Variants in EYS observed in about 807,000 individuals in gnomAD.
EYS encodes the protein EGF-like photoreceptor maintenance factor.
EYS carries 250 observed loss-of-function variants against 282.1 expected under a neutral mutation model. That is an observed-to-expected ratio of 0.89 (90% confidence interval 0.80 to 0.98). EYS has a LOEUF of 0.98. Ranked by LOEUF, EYS falls within the 50% of genes least tolerant of loss-of-function variation. The pLI, the probability that EYS is intolerant of heterozygous loss-of-function variation, is 0.00. For missense variants in EYS, 4,016 were observed against 3,709.0 expected (o/e 1.08, Z -2.15); for synonymous variants, 1,355 against 1,282.9 (o/e 1.06, Z -1.20).
intron 22 of EYS, among the ~76,000 whole-genome samples, chr6:64,708,024 A>AT (rs1009029357): frequency 3.3e-5 from 5 of 152,150 alleles, no homozygotes; most frequent in African/African-American, 1.2e-4. Context: ...ACAAAAAAAA[A>AT]CCCGGATAAA....
chr6:64,985,759 T>C (rs1770839518), intron 14 of EYS, among the ~76,000 whole-genome samples: 1 of 151,560 alleles, frequency 6.6e-6, no homozygotes, highest in Non-Finnish European at 1.5e-5. Context: ...TATTTTTGTT[T>C]GCTGAATCTG....
At chr6:64,730,056 G>C (rs948771274) in intron 22 of EYS, among the ~76,000 whole-genome samples, 1 of 152,172 alleles carries the variant, frequency 6.6e-6, no homozygotes, top group East Asian at 1.9e-4. Context: ...AGTGAAGCTT[G>C]AAGGGGTATT....
chr6:65,372,755 C>A (rs1477673585), intron 8 of EYS, among the ~76,000 whole-genome samples: 1 of 151,946 alleles, frequency 6.6e-6, no homozygotes, highest in Admixed American at 6.6e-5. Context: ...AGTTCGCCAT[C>A]CTTATGCCAC....
At chr6:64,943,199 A>C (rs1769157227) in intron 15 of EYS, among the ~76,000 whole-genome samples, 2 of 152,076 alleles carry the variant, frequency 1.3e-5, no homozygotes, top group Admixed American at 1.3e-4. Context: ...TCTAAGAAAC[A>C]TATCTCAAAA....
At chr6:65,353,321 TAA>T in intron 9 of EYS, 135 bp downstream of exon 9, 1 of 718,688 alleles carries the variant, frequency 1.4e-6, no homozygotes, top group East Asian at 2.8e-5. Context: ...CATTAGAAAA[TAA>T]GAGTATTAAT....
chr6:65,033,447 G>A (rs1355727869), intron 13 of EYS, among the ~76,000 whole-genome samples: 1 of 152,156 alleles, frequency 6.6e-6, no homozygotes, highest in Non-Finnish European at 1.5e-5. Context: ...AGGCCTAGGA[G>A]GACAGAATCG....
chr6:64,272,810 T>A (rs1160063844), intron 30 of EYS, among the ~76,000 whole-genome samples: 1 of 152,144 alleles, frequency 6.6e-6, no homozygotes, highest in Non-Finnish European at 1.5e-5. Flanking sequence ...TTAAATATAT[T>A]TCAATAAGGT....
At chr6:63,849,342 G>A (rs951979696) in intron 36 of EYS, among the ~76,000 whole-genome samples, 1 of 152,148 alleles carries the variant, frequency 6.6e-6, no homozygotes, top group African/African-American at 2.4e-5. Context: ...CTTTGCTAAG[G>A]GACAGACTAC....
In EYS at chr6:64,590,882, T is replaced by A. The variant is rs147641443; in HGVS notation, c.4985A>T (p.Asp1662Val). 4,834 of 1,550,648 alleles carry A rather than the reference T, an allele frequency of 3.1e-3. 10 individuals are homozygous for A. The highest frequency in any genetic ancestry group is 3.6e-3 in the Non-Finnish European group (4,178 of 1,146,656). The change falls in exon 26 of 43, where the codon GAT becomes GTT. Residue 1662 changes from aspartate to valine, a missense_variant. Asp to Val is a radical substitution (Grantham distance 152). Coordinates refer to ENST00000503581, the MANE Select transcript of EYS (RefSeq NM_001142800.2). ...SSNLDVNLCL[D>V]KTCLSIVPSQ... ...AGGGACAATGGATAAACAAGTCTTA[T>A]CCAAACATAAATTAACATCCAAATT...
At chr6:65,453,681 T>TC (rs1437101526) in intron 5 of EYS, among the ~76,000 whole-genome samples, 1 of 151,866 alleles carries the variant, frequency 6.6e-6, no homozygotes, top group Non-Finnish European at 1.5e-5. Flanking sequence ...TCCTCTCCCC[T>TC]CCCCCCTACA....
At chr6:64,717,244 T>G (rs1425105248) in intron 22 of EYS, among the ~76,000 whole-genome samples, 1 of 152,204 alleles carries the variant, frequency 6.6e-6, no homozygotes, top group African/African-American at 2.4e-5. Flanking sequence ...CGCTTGCCAG[T>G]CACTAATAGG....
intron 29 of EYS, among the ~76,000 whole-genome samples, chr6:64,387,221 T>C (rs1334712377): frequency 1.3e-5 from 2 of 152,158 alleles, no homozygotes; most frequent in East Asian, 3.8e-4. Flanking sequence ...GCCTACATAT[T>C]ATTTACAAGG....
At chr6:64,234,108 C>T (rs573545427) in intron 30 of EYS, among the ~76,000 whole-genome samples, 8 of 152,146 alleles carry the variant, frequency 5.3e-5, no homozygotes, top group African/African-American at 9.6e-5. Flanking sequence ...AAGAAACAAA[C>T]GCTGCCAGAA....
intron 22 of EYS, among the ~76,000 whole-genome samples, chr6:64,643,275 G>A (rs1310059314): frequency 6.6e-6 from 1 of 152,176 alleles, no homozygotes; most frequent in Non-Finnish European, 1.5e-5. Flanking sequence ...CAGTGCAAAA[G>A]TAATTGTGGT....
chr6:65,634,172 C>T (rs1437161485), intron 2 of EYS, among the ~76,000 whole-genome samples: 2 of 152,130 alleles, frequency 1.3e-5, no homozygotes, highest in Non-Finnish European at 2.9e-5. Flanking sequence ...ACTTAGTATA[C>T]ATGAAGAGAC....
At chr6:65,389,852 G>A (rs76197484) in intron 7 of EYS, among the ~76,000 whole-genome samples, 8,141 of 152,084 alleles carry the variant, frequency 0.054, 306 homozygotes, top group African/African-American at 0.1. Flanking sequence ...GTGTTTTCAG[G>A]TCAATGGAAC....
intron 5 of EYS, among the ~76,000 whole-genome samples, chr6:65,455,570 T>C (rs1403642323): frequency 6.6e-6 from 1 of 152,038 alleles, no homozygotes; most frequent in Non-Finnish European, 1.5e-5. Context: ...AAATGCATCA[T>C]TACAACTGAC....
chr6:64,582,946 A>G (rs919918287), intron 26 of EYS, among the ~76,000 whole-genome samples: 1 of 152,166 alleles, frequency 6.6e-6, no homozygotes, highest in Non-Finnish European at 1.5e-5. Flanking sequence ...CAGCAGATAC[A>G]GTTGGCCCTG....
At chr6:64,240,277 T>C (rs1168310814) in intron 30 of EYS, among the ~76,000 whole-genome samples, 1 of 152,216 alleles carries the variant, frequency 6.6e-6, no homozygotes, top group Admixed American at 6.5e-5. Flanking sequence ...GCAGTTTTTT[T>C]CCAATTCTCT....
Sources: gnomAD v4.1 joint callset for allele counts (sites outside exome capture counted in the v4.1 genomes callset) on GRCh38, gnomAD v4.1.1 for gene constraint, MANE v1.5 for transcripts, NCBI Gene and HGNC (gene_info 2026-07-23, HGNC 2026-07-21) for gene names.